The following NXPE2 variants were observed in gnomAD, a reference collection of about 807,000 sequenced individuals.
NXPE2 encodes the protein neurexophilin and PC-esterase domain family member 2.
NXPE2 carries 34 observed loss-of-function variants against 34.4 expected under a neutral mutation model. The observed-to-expected ratio is 0.99, with a 90% CI of 0.75 to 1.31. NXPE2 has a LOEUF of 1.31. NXPE2 is among the 40% of genes most tolerant of loss of function. The probability of loss-of-function intolerance (pLI) is 0.00; values close to 1 mark genes in which losing one functional copy is unlikely to be tolerated. For synonymous variants in NXPE2, 235 were observed against 231.3 expected (o/e 1.02, Z -0.15); for missense variants, 649 against 672.5 (o/e 0.97, Z 0.39).
At chr11:114,784,801 T>C in the NXPE2 span, among the ~76,000 whole-genome samples, 1 of 152,144 alleles carries the variant, frequency 6.6e-6, no homozygotes. Context: ...ATTTAGGTTT[T>C]TGTAGACCTG....
chr11:114,489,128 C>A, the NXPE2 span, among the ~76,000 whole-genome samples: 1 of 151,952 alleles, frequency 6.6e-6, no homozygotes, highest in African/African-American at 2.4e-5. Context: ...ATAAATTCCT[C>A]GACACATACA....
chr11:114,743,655 T>A, the NXPE2 span, among the ~76,000 whole-genome samples: 1 of 152,070 alleles, frequency 6.6e-6, no homozygotes, highest in South Asian at 2.1e-4. Flanking sequence ...TTGGTTAAGG[T>A]GGAACAGTCA....
chr11:114,551,365 C>A, the NXPE2 span: 2 of 1,405,296 alleles, frequency 1.4e-6, no homozygotes, highest in Non-Finnish European at 1.8e-6. Flanking sequence ...AACTCATACC[C>A]CCAATCCCTT....
downstream of NXPE2, chr11:114,707,407 T>C: frequency 2.3e-6 from 1 of 427,130 alleles, no homozygotes; most frequent in Non-Finnish European, 4.7e-6. Context: ...TATTTTATTT[T>C]ATTTTTCGAG....
the NXPE2 span, among the ~76,000 whole-genome samples, chr11:114,783,674 G>A: frequency 3.2e-4 from 49 of 152,334 alleles, no homozygotes; most frequent in Admixed American, 9.1e-4. Context: ...TCTTCTGTGT[G>A]TATAGAGGAG....
intron 1 of NXPE2, 117 bp downstream of exon 1, chr11:114,678,718 C>T (rs1169227472): frequency 2.1e-5 from 15 of 726,672 alleles, no homozygotes; most frequent in African/African-American, 1.1e-4. Context: ...ATAGTAAAAT[C>T]GTTTTATTTG....
chr11:114,523,544 TAAA>T, the NXPE2 span, among the ~76,000 whole-genome samples: 1 of 152,176 alleles, frequency 6.6e-6, no homozygotes, highest in African/African-American at 2.4e-5. Context: ...ATATGTACAT[TAAA>T]TATAAAAACC....
the NXPE2 span, among the ~76,000 whole-genome samples, chr11:114,504,665 G>T: frequency 6.6e-6 from 1 of 152,118 alleles, no homozygotes; most frequent in South Asian, 2.1e-4. Context: ...TCCCAGAAAT[G>T]AAGCCAGCTG....
chr11:114,675,561 TA>T (rs1012053224), upstream of NXPE2, among the ~76,000 whole-genome samples: 169 of 151,432 alleles, frequency 1.1e-3, 1 homozygote, highest in South Asian at 4.1e-3. Context: ...TAATATAGCA[TA>T]AAAAAAACCC....
chr11:114,522,929 C>CT, the NXPE2 span: 1 of 1,613,466 alleles, frequency 6.2e-7, no homozygotes, highest in Non-Finnish European at 8.5e-7. Flanking sequence ...TGTAGAGTCT[C>CT]CCAGGAGGTA....
the NXPE2 span, among the ~76,000 whole-genome samples, chr11:114,730,558 C>T: frequency 6.6e-6 from 1 of 152,022 alleles, no homozygotes; most frequent in African/African-American, 2.4e-5. Flanking sequence ...CTATTTGTGT[C>T]ATCTATGATT....
chr11:114,617,814 G>A, the NXPE2 span, among the ~76,000 whole-genome samples: 50 of 152,064 alleles, frequency 3.3e-4, no homozygotes, highest in African/African-American at 1.2e-3. Context: ...TGGATAATAA[G>A]TGTTGCCTCA....
chr11:114,499,833 T>A, the NXPE2 span, among the ~76,000 whole-genome samples: 1 of 152,186 alleles, frequency 6.6e-6, no homozygotes, highest in Non-Finnish European at 1.5e-5. Context: ...TTCATTTCAT[T>A]GATTGTTGGG....
the NXPE2 span, among the ~76,000 whole-genome samples, chr11:114,471,887 A>G: frequency 1.3e-5 from 2 of 152,172 alleles, no homozygotes; most frequent in South Asian, 4.1e-4. Flanking sequence ...AAGCAAAAAC[A>G]AGCAACCAAC....
At chr11:114,549,776 G>T in the NXPE2 span, among the ~76,000 whole-genome samples, 1 of 151,866 alleles carries the variant, frequency 6.6e-6, no homozygotes, top group Non-Finnish European at 1.5e-5. Context: ...AATTGAAAAG[G>T]AAATAAAAAT....
chr11:114,743,815 G>C, the NXPE2 span, among the ~76,000 whole-genome samples: 3 of 151,170 alleles, frequency 2.0e-5, no homozygotes, highest in South Asian at 2.1e-4. Context: ...GTGTATGTGT[G>C]TGTATATATA....
chr11:114,532,164 T>C, the NXPE2 span, among the ~76,000 whole-genome samples: 1 of 152,292 alleles, frequency 6.6e-6, no homozygotes, highest in African/African-American at 2.4e-5. Context: ...ACCCTTGTGA[T>C]TGGTAACAAA....
At chr11:114,803,126 A>G in the NXPE2 span, among the ~76,000 whole-genome samples, 1 of 152,202 alleles carries the variant, frequency 6.6e-6, no homozygotes, top group Non-Finnish European at 1.5e-5. Flanking sequence ...CAGGGGCCAC[A>G]CGGCCTTTGT....
chr11:114,573,802 T>A, the NXPE2 span, among the ~76,000 whole-genome samples: 2 of 152,052 alleles, frequency 1.3e-5, no homozygotes, highest in African/African-American at 4.8e-5. Context: ...AGACTGGTCA[T>A]CAAGACAGAA....
Sources: gnomAD v4.1 joint callset for allele counts (sites outside exome capture counted in the v4.1 genomes callset) on GRCh38, gnomAD v4.1.1 for gene constraint, MANE v1.5 for transcripts, NCBI Gene and HGNC (gene_info 2026-07-23, HGNC 2026-07-21) for gene names.